Variants in MAPKAP1 observed in about 807,000 individuals in gnomAD.
MAPKAP1 encodes the protein MAPK associated protein 1.
A neutral mutation model predicts 65.7 loss-of-function variants in MAPKAP1; 20 were observed. The ratio of observed to expected loss-of-function variants is 0.30; its 90% CI spans 0.21 to 0.44. The LOEUF is 0.44. MAPKAP1 is among the 20% of genes least tolerant of loss of function. The pLI, the probability that MAPKAP1 is intolerant of heterozygous loss-of-function variation, is 1.00. For missense variants in MAPKAP1, 423 were observed against 648.0 expected (o/e 0.65, Z 3.77); for synonymous variants, 222 against 244.3 (o/e 0.91, Z 0.85).
intron 11 of MAPKAP1, 48 bp downstream of exon 11, chr9:125,444,453 G>A: frequency 1.4e-6 from 2 of 1,426,686 alleles, no homozygotes; most frequent in South Asian, 1.2e-5. Flanking sequence ...AGCCTGAAGA[G>A]AAGCTGGACC....
intron 3 of MAPKAP1, among the ~76,000 whole-genome samples, chr9:125,667,350 C>T (rs371580429): frequency 1.1e-4 from 16 of 152,258 alleles, no homozygotes; most frequent in African/African-American, 3.4e-4. Flanking sequence ...GACACAGTCT[C>T]GCTCTGTTGC....
intron 4 of MAPKAP1, among the ~76,000 whole-genome samples, chr9:125,648,743 C>T (rs1047715799): frequency 3.4e-4 from 51 of 152,128 alleles, no homozygotes; most frequent in Admixed American, 2.1e-3. Flanking sequence ...GAGTTGGAGA[C>T]CAGCCTGACC....
chr9:125,643,576 T>G (rs1348219399), intron 4 of MAPKAP1, among the ~76,000 whole-genome samples: 1 of 152,218 alleles, frequency 6.6e-6, no homozygotes, highest in Non-Finnish European at 1.5e-5. Context: ...ATGTCATTGT[T>G]TCAATCATTA....
At position 125,438,734 on chromosome 9, in the gene MAPKAP1, C is replaced by A; in HGVS notation, c.*153G>T. On this transcript the variant is annotated 3_prime_UTR_variant, in exon 12 of 12. Coordinates refer to ENST00000265960, the MANE Select transcript of MAPKAP1 (RefSeq NM_001006617.3). ...CCCAGCGCTCCCTCCTAGGGGGCCC[C>A]CGACACCTTCCCCGAGAGCCCACCT... The A allele has an allele frequency of 1.9e-6, 2 of 1,062,142 alleles. No homozygotes were observed. Among genetic ancestry groups the A allele is most frequent in the East Asian group, 2.4e-5 (1 of 41,524 alleles). 65.8% of individuals were successfully genotyped at this position (1,062,142 alleles called of 1,614,324 possible).
intron 2 of MAPKAP1, 87 bp downstream of exon 2, chr9:125,672,229 T>G (rs1834518023): frequency 6.9e-7 from 1 of 1,442,882 alleles, no homozygotes; most frequent in African/African-American, 1.4e-5. Context: ...ACATCCCCCA[T>G]TAAGCCTATT....
At chr9:125,623,209 G>A (rs1176107387) in intron 4 of MAPKAP1, among the ~76,000 whole-genome samples, 3 of 136,472 alleles carry the variant, frequency 2.2e-5, no homozygotes, top group South Asian at 2.7e-4. Flanking sequence ...GCCTCTGCCC[G>A]GCCGCCACCC....
At chr9:125,591,256 C>T (rs1831953843) in intron 4 of MAPKAP1, among the ~76,000 whole-genome samples, 1 of 152,204 alleles carries the variant, frequency 6.6e-6, no homozygotes, top group Non-Finnish European at 1.5e-5. Context: ...TCAATTCCTA[C>T]TCTTCAAGGC....
intron 11 of MAPKAP1, among the ~76,000 whole-genome samples, chr9:125,443,293 C>T (rs1040601135): frequency 3.3e-5 from 5 of 152,154 alleles, no homozygotes; most frequent in Non-Finnish European, 7.4e-5. Flanking sequence ...AGCATAGGTA[C>T]TATGATCCCC....
intron 7 of MAPKAP1, among the ~76,000 whole-genome samples, chr9:125,523,549 T>C (rs928968141): frequency 2.2e-4 from 34 of 152,218 alleles, no homozygotes; most frequent in Non-Finnish European, 3.4e-4. Context: ...GGGTGGATGA[T>C]AGTATCTCAG....
chr9:125,653,390 GA>G (rs1357365061), intron 4 of MAPKAP1, among the ~76,000 whole-genome samples: 6 of 152,148 alleles, frequency 3.9e-5, no homozygotes, highest in African/African-American at 1.4e-4. Context: ...AATATGATAG[GA>G]AAAAGGTAGG....
chr9:125,551,141 G>C (rs1830572401), intron 6 of MAPKAP1, among the ~76,000 whole-genome samples: 1 of 152,142 alleles, frequency 6.6e-6, no homozygotes, highest in Non-Finnish European at 1.5e-5. Context: ...TCTATTGGAG[G>C]TATGAAACTG....
chr9:125,507,088 T>C (rs1238495181), intron 7 of MAPKAP1, among the ~76,000 whole-genome samples: 1 of 152,190 alleles, frequency 6.6e-6, no homozygotes, highest in Admixed American at 6.5e-5. Context: ...GAAACATTTA[T>C]GAAAACACGA....
chr9:125,655,939 C>T (rs1294145482), intron 4 of MAPKAP1, among the ~76,000 whole-genome samples: 3 of 152,074 alleles, frequency 2.0e-5, no homozygotes, highest in East Asian at 1.9e-4. Flanking sequence ...TTTATTTTCC[C>T]GCTGGTACTT....
chr9:125,530,830 A>C (rs1829912978), intron 7 of MAPKAP1, among the ~76,000 whole-genome samples: 1 of 152,284 alleles, frequency 6.6e-6, no homozygotes, highest in South Asian at 2.1e-4. Flanking sequence ...AAAAGGAAGT[A>C]AACCAAAACC....
At chr9:125,583,125 T>C (rs1051212760) in intron 5 of MAPKAP1, among the ~76,000 whole-genome samples, 1 of 152,250 alleles carries the variant, frequency 6.6e-6, no homozygotes, top group Non-Finnish European at 1.5e-5. Context: ...AATATGTTAA[T>C]AGCATTTCAT....
chr9:125,581,942 A>G (rs1237736166), intron 5 of MAPKAP1, among the ~76,000 whole-genome samples: 1 of 152,048 alleles, frequency 6.6e-6, no homozygotes, highest in African/African-American at 2.4e-5. Context: ...CTTTGACATT[A>G]TCTCTTCAAA....
At chr9:125,516,192 T>C (rs1829456824) in intron 7 of MAPKAP1, among the ~76,000 whole-genome samples, 1 of 152,190 alleles carries the variant, frequency 6.6e-6, no homozygotes, top group South Asian at 2.1e-4. Flanking sequence ...GGGGTTTCCA[T>C]TTCTTTGCTG....
chr9:125,442,128 CAAAAA>C (rs71492449), intron 11 of MAPKAP1, among the ~76,000 whole-genome samples: 4 of 38,760 alleles, frequency 1.0e-4, no homozygotes, highest in African/African-American at 1.9e-4. Context: ...GACTCTGTCT[CAAAAA>C]AAAAAAAAAA....
chr9:125,513,071 G>C (rs1829353934), intron 7 of MAPKAP1: 1 of 152,094 alleles, frequency 6.6e-6, no homozygotes, highest in Middle Eastern at 3.1e-3. Flanking sequence ...TCACCATACT[G>C]ATGCTGAACT....
Sources: gnomAD v4.1 joint callset for allele counts (sites outside exome capture counted in the v4.1 genomes callset) on GRCh38, gnomAD v4.1.1 for gene constraint, MANE v1.5 for transcripts, NCBI Gene and HGNC (gene_info 2026-07-23, HGNC 2026-07-21) for gene names.